TDRP: variants seen among roughly 807,000 people sequenced by gnomAD.
The protein encoded by TDRP is testis development-related protein.
In TDRP, 12 loss-of-function variants were observed where a neutral mutation model predicts 10.5. That is an observed-to-expected ratio of 1.15 (90% CI 0.73 to 1.86). TDRP has a LOEUF of 1.86. Among genes scored for constraint, TDRP ranks in the 40% most tolerant of loss-of-function variants. The pLI, the probability that TDRP is intolerant of heterozygous loss-of-function variation, is 0.00. For missense variants in TDRP, 353 were observed against 229.2 expected (o/e 1.54, Z -3.49); for synonymous variants, 139 against 95.4 (o/e 1.46, Z -2.67).
chr8:537,980 ATTG>A (rs1310188510), intron 1 of TDRP, among the ~76,000 whole-genome samples: 9 of 152,128 alleles, frequency 5.9e-5, no homozygotes, highest in Non-Finnish European at 1.3e-4. Flanking sequence ...CTCTTCCTAT[ATTG>A]TTAAGTTTTC....
chr8:508,148 G>T (rs1075035), intron 1 of TDRP, among the ~76,000 whole-genome samples: 1 of 152,044 alleles, frequency 6.6e-6, no homozygotes, highest in Non-Finnish European at 1.5e-5. Context: ...GCATCAAAGA[G>T]AGAATGCCAG....
At chr8:537,714 C>A (rs887461791) in intron 1 of TDRP, among the ~76,000 whole-genome samples, 1 of 152,170 alleles carries the variant, frequency 6.6e-6, no homozygotes, top group African/African-American at 2.4e-5. Flanking sequence ...ATCAGTCTCA[C>A]AACTACCTGA....
chr8:522,257 C>T (rs375300053), intron 1 of TDRP, among the ~76,000 whole-genome samples: 1 of 152,166 alleles, frequency 6.6e-6, no homozygotes, highest in Non-Finnish European at 1.5e-5. Flanking sequence ...GTTATATCTT[C>T]CTGGTGAACT....
chr8:519,699 A>G (rs1468993263), intron 1 of TDRP, among the ~76,000 whole-genome samples: 1 of 152,152 alleles, frequency 6.6e-6, no homozygotes, highest in Non-Finnish European at 1.5e-5. Context: ...AGGTGTGACT[A>G]AAAGAGAGTG....
At chr8:501,634 A>T (rs1487850516) in intron 1 of TDRP, among the ~76,000 whole-genome samples, 4 of 152,194 alleles carry the variant, frequency 2.6e-5, no homozygotes, top group Non-Finnish European at 5.9e-5. Flanking sequence ...GGCGTGAGAC[A>T]CCGCGCCCGG....
intron 1 of TDRP, among the ~76,000 whole-genome samples, chr8:506,574 G>A (rs1801471122): frequency 6.6e-6 from 1 of 152,190 alleles, no homozygotes; most frequent in South Asian, 2.1e-4. Flanking sequence ...GTGGAGCCCT[G>A]ATCACCCTTC....
intron 2 of TDRP, among the ~76,000 whole-genome samples, chr8:493,096 G>A (rs1015360844): frequency 1.3e-5 from 2 of 152,142 alleles, no homozygotes; most frequent in Non-Finnish European, 2.9e-5. Flanking sequence ...TCTAGATTAA[G>A]AAACAAGGGA....
intron 1 of TDRP, among the ~76,000 whole-genome samples, chr8:513,123 A>AG (rs60970809): frequency 6.6e-6 from 1 of 151,708 alleles, no homozygotes; most frequent in African/African-American, 2.4e-5. Context: ...AAAAAAAAAA[A>AG]TAGAAGAGCA....
At chr8:531,621 A>G (rs1004114204) in intron 1 of TDRP, among the ~76,000 whole-genome samples, 1 of 152,234 alleles carries the variant, frequency 6.6e-6, no homozygotes, top group Admixed American at 6.5e-5. Flanking sequence ...CTTTAATCAC[A>G]GTTACAGACT....
At chr8:540,806 T>TAAAAA (rs60390652) in intron 1 of TDRP, among the ~76,000 whole-genome samples, 1 of 125,012 alleles carries the variant, frequency 8.0e-6, no homozygotes, top group African/African-American at 3.0e-5. Flanking sequence ...CTTTTTCACG[T>TAAAAA]AAAAAAAAAA....
At chr8:501,496 G>A (rs990383011) in intron 1 of TDRP, among the ~76,000 whole-genome samples, 1 of 151,830 alleles carries the variant, frequency 6.6e-6, no homozygotes, top group Non-Finnish European at 1.5e-5. Flanking sequence ...ACAGGCGATG[G>A]CCACCACACC....
intron 1 of TDRP, among the ~76,000 whole-genome samples, chr8:521,177 C>T (rs113275431): frequency 4.0e-4 from 57 of 143,518 alleles, no homozygotes; most frequent in African/African-American, 1.1e-3. Context: ...CCGAGGCAGG[C>T]GGATCATGAG....
At chr8:527,504 C>G (rs1003087730) in intron 1 of TDRP, among the ~76,000 whole-genome samples, 9 of 152,094 alleles carry the variant, frequency 5.9e-5, no homozygotes, top group Non-Finnish European at 1.3e-4. Flanking sequence ...TGTTACCCGA[C>G]TTCAAATTAT....
chr8:544,699 C>A lies in TDRP; in HGVS notation c.59G>T (p.Gly20Val). Residue 20 changes from glycine to valine, a missense_variant, in exon 1 of 3, where the codon GGC (glycine) becomes GTC (valine). Physicochemically the swap from Gly to Val is moderately radical, Grantham distance 109 (BLOSUM62 -3). Transcript: ENST00000324079. ...GGCCGGTGGCGGCCCCCCACGCAGG[C>A]CGTCCTCCTCCTCGGGGGGCTCGTC... ...LLDEPPEEEDGLRGGPPPAAA... is the reference protein window; with the variant it reads ...LLDEPPEEEDVLRGGPPPAAA... 1 of 1,245,702 alleles carries A rather than the reference C, an allele frequency of 8.0e-7. No individual in the cohort carries two copies. The allele number at this position is 1,245,702 out of a possible 1,614,324, so 77.2% of individuals were successfully genotyped here. A position where few individuals can be genotyped will look rare whatever the true frequency, so the allele number is the denominator to read the frequency against.
At chr8:505,329 A>C (rs1054107244) in intron 1 of TDRP, among the ~76,000 whole-genome samples, 1 of 152,238 alleles carries the variant, frequency 6.6e-6, no homozygotes, top group Non-Finnish European at 1.5e-5. Flanking sequence ...CAGTTTTAAT[A>C]ACAGGTTCAA....
At chr8:541,098 C>T (rs7829447) in intron 1 of TDRP, among the ~76,000 whole-genome samples, 112,293 of 152,130 alleles carry the variant, frequency 0.74, 41,711 homozygotes, top group Admixed American at 0.79. Flanking sequence ...TTTTATGACT[C>T]TTCATGAATT....
Position 491,234 on chromosome 8 carries a change from G to A in TDRP, c.*1165C>T, listed in dbSNP as rs11988112. 7.8e-3 allele frequency: 1,279 copies of A among 164,752 alleles called. 11 individuals carry two copies. The highest frequency in any genetic ancestry group is 0.028 in the African/African-American group (1,199 of 42,250). The allele number at this position is 164,752 out of a possible 1,614,324, so 10.2% of individuals were successfully genotyped here. On this transcript the variant is annotated 3_prime_UTR_variant, in exon 3 of 3. Coordinates refer to ENST00000324079, the MANE Select transcript of TDRP (RefSeq NM_001384899.1). ...GAAAGGGTTTTTGTCTTGTTTTTAC[G>A]TGAGGGGAATGCACAGTGTAACTGG...
chr8:491,856 G>C lies in TDRP; in HGVS notation c.*543C>G, dbSNP rs2034351. 723,575 of 1,205,888 alleles carry C rather than the reference G, an allele frequency of 0.6. 220,597 individuals carry two copies. Among genetic ancestry groups the C allele is most frequent in the African/African-American group, 0.84 (53,468 of 63,964 alleles). The allele number at this position is 1,205,888 out of a possible 1,614,324, so 74.7% of individuals were successfully genotyped here. A position where few individuals can be genotyped will look rare whatever the true frequency, so the allele number is the denominator to read the frequency against. ...AGATACATTTTACTCCCAAATATAA[G>C]CTTTGCTTTTCCAGTATTTGTTTAC... On this transcript the variant is annotated 3_prime_UTR_variant, in exon 3 of 3. Transcript: ENST00000324079.
chr8:502,060 G>A (rs1010942029), intron 1 of TDRP, among the ~76,000 whole-genome samples: 11 of 152,310 alleles, frequency 7.2e-5, no homozygotes, highest in Middle Eastern at 3.4e-3. Flanking sequence ...TCTTGGCATC[G>A]CCATTGGCTA....
Sources: allele counts gnomAD v4.1 joint callset (sites outside exome capture counted in the v4.1 genomes callset), GRCh38; gene constraint gnomAD v4.1.1; transcripts MANE v1.5; gene names NCBI Gene and HGNC (gene_info 2026-07-23, HGNC 2026-07-21).